The following SNX31 variants were observed in gnomAD, a reference collection of about 807,000 sequenced individuals.
SNX31 encodes sorting nexin-31.
SNX31 carries 58 observed loss-of-function variants against 65.4 expected under a neutral mutation model. That is an observed-to-expected ratio of 0.89 (90% CI 0.72 to 1.10). The LOEUF (loss-of-function observed/expected upper bound fraction) is 1.10. SNX31 is among the 50% of genes least tolerant of loss of function. The pLI is 0.00. For synonymous variants in SNX31, 181 were observed against 190.1 expected, an observed-to-expected ratio of 0.95 and a Z score of 0.39; for missense variants, 523 against 529.7, an observed-to-expected ratio of 0.99 and a Z score of 0.12.
intron 1 of SNX31, among the ~76,000 whole-genome samples, chr8:100,661,982 G>A (rs1402142061): frequency 1.3e-5 from 2 of 152,076 alleles, no homozygotes; most frequent in African/African-American, 4.8e-5. Context: ...GCACCTCCAC[G>A]TCCAGCTAAT....
intron 1 of SNX31, chr8:100,657,895 TAAC>T (rs141104557): frequency 0.24 from 87,832 of 359,196 alleles, 11,195 homozygotes; most frequent in Admixed American, 0.33. Context: ...AAACAAAAAA[TAAC>T]AACAACAACA....
intron 4 of SNX31, among the ~76,000 whole-genome samples, chr8:100,624,244 G>T (rs758100741): frequency 2.3e-4 from 35 of 152,140 alleles, no homozygotes; most frequent in Non-Finnish European, 4.3e-4. Flanking sequence ...GAGCCCAGGA[G>T]ATGGAGTCCT....
intron 1 of SNX31, among the ~76,000 whole-genome samples, chr8:100,656,366 A>G (rs1220131900): frequency 2.0e-5 from 3 of 151,868 alleles, no homozygotes; most frequent in Non-Finnish European, 4.4e-5. Context: ...ACAGCCAGAC[A>G]TGGTGACTTA....
At chr8:100,662,794 G>T (rs1054582866) in intron 1 of SNX31, among the ~76,000 whole-genome samples, 1 of 152,172 alleles carries the variant, frequency 6.6e-6, no homozygotes, top group Non-Finnish European at 1.5e-5. Flanking sequence ...TTCAGCTGTT[G>T]CTTGAATGGA....
At position 100,648,922 on chromosome 8, in the gene SNX31, C is replaced by T. The variant is rs1289097361; in HGVS notation, c.141+352G>A. 6.6e-6 allele frequency among the ~76,000 whole-genome samples: 1 copy of T among 152,252 alleles called. No homozygotes were observed. Among genetic ancestry groups the T allele is most frequent in the Middle Eastern group, 3.2e-3 (1 of 316 alleles). On this transcript the variant is annotated intron_variant, in intron 2 of 13. Coordinates refer to ENST00000311812, the MANE Select transcript of SNX31 (RefSeq NM_152628.4). The surrounding 1 kb of genome is among the most constrained non-coding windows in gnomAD (Gnocchi z 4.3). Reference sequence around the variant, plus strand: ...CCAGTTTCCAAATTTTGGAGGGAAGCATTGTCCTGGGGAACAGCGGGCACT... The same window carrying T: ...CCAGTTTCCAAATTTTGGAGGGAAGTATTGTCCTGGGGAACAGCGGGCACT...
chr8:100,630,459 T>C lies in SNX31; in HGVS notation c.257-68A>G. On this transcript the variant is annotated intron_variant, in intron 3 of 13. Coordinates refer to ENST00000311812, the MANE Select transcript of SNX31 (RefSeq NM_152628.4). This position sits in a 1 kb window ranked among gnomAD's most constrained non-coding sequence, Gnocchi z 5.3. ...TGGGCCCTGCCTATTAATTGCTATG[T>C]CCTCCAGAGATCCCTCCATGCCTTG... 7.5e-7 allele frequency: 1 copy of C among 1,339,576 alleles called. No homozygotes were observed. Among genetic ancestry groups the C allele is most frequent in the Non-Finnish European group, 1.0e-6 (1 of 956,062 alleles). 83.0% of individuals were successfully genotyped at this position (1,339,576 alleles called of 1,614,324 possible).
chr8:100,573,979 G>A lies in SNX31; in HGVS notation c.1228-19C>T. The A allele has an allele frequency of 1.5e-6, 2 of 1,350,758 alleles. No homozygotes were observed. The highest frequency in any genetic ancestry group is 2.0e-6 in the Non-Finnish European group (2 of 983,268). 83.7% of individuals were successfully genotyped at this position (1,350,758 alleles called of 1,614,324 possible). ...CTTTCTGCTGTGAAGTAAACAGAGA[G>A]GTCAGAAATGTAAATGAAAGGAAAT... On this transcript the variant is annotated intron_variant, in intron 13 of 13. Coordinates refer to ENST00000311812, the MANE Select transcript of SNX31 (RefSeq NM_152628.4).
At chr8:100,638,492 T>C (rs1350852182) in intron 2 of SNX31, among the ~76,000 whole-genome samples, 1 of 152,220 alleles carries the variant, frequency 6.6e-6, no homozygotes, top group East Asian at 1.9e-4. Context: ...GGAATGGTTA[T>C]TAACTGCCTG....
At chr8:100,621,556 C>G (rs889996521) in intron 4 of SNX31, among the ~76,000 whole-genome samples, 1 of 152,238 alleles carries the variant, frequency 6.6e-6, no homozygotes, top group Non-Finnish European at 1.5e-5. Flanking sequence ...CATCTTACCA[C>G]CAGCACCTTA....
intron 7 of SNX31, 26 bp downstream of exon 7, chr8:100,611,974 C>G: frequency 6.3e-7 from 1 of 1,586,894 alleles, no homozygotes; most frequent in Non-Finnish European, 8.7e-7. Flanking sequence ...CGTCAAACGC[C>G]TCTGTCACTT....
At chr8:100,651,962 G>T (rs985589029), upstream of SNX31, among the ~76,000 whole-genome samples, 2 of 149,960 alleles carry the variant, frequency 1.3e-5, no homozygotes, top group Non-Finnish European at 3.0e-5. Context: ...CTTGACAAGC[G>T]CACCCTTTAC....
At chr8:100,598,398 A>G (rs1396873702) in intron 9 of SNX31, among the ~76,000 whole-genome samples, 2 of 152,244 alleles carry the variant, frequency 1.3e-5, no homozygotes, top group Non-Finnish European at 2.9e-5. Context: ...GTGATATGGT[A>G]TAAATTTATA....
rs543337954 is a variant in SNX31 at position 100,575,635 on chromosome 8, C to A, written c.1227+1384G>T. 2.1e-4 allele frequency among the ~76,000 whole-genome samples: 32 copies of A among 152,192 alleles called. No individual in the cohort carries two copies. Among genetic ancestry groups the A allele is most frequent in the East Asian group, 3.8e-4 (2 of 5,200 alleles). On this transcript the variant is annotated intron_variant, in intron 13 of 13. Transcript: ENST00000311812. This position sits in a 1 kb window ranked among gnomAD's most constrained non-coding sequence, Gnocchi z 5.1. ...GGGCGTGTTAAAGAGATTGCTGCGG[C>A]CTTCCCCCAGAGCTGCTGATCCAGT...
chr8:100,596,651 C>T lies in SNX31; in HGVS notation c.966G>A (p.Gln322=). 1 of 1,614,050 alleles carries T rather than the reference C, an allele frequency of 6.2e-7. No homozygotes were observed. Among genetic ancestry groups the T allele is most frequent in the Non-Finnish European group, 8.5e-7 (1 of 1,179,924 alleles). ...VFQMSRVKCW[Q]VTFLGTLLDT... ...CCAAGATACTCACAAGGAAAGTGACCTGCCAGCACTTCACCCTGCTCATCT... is the reference window on the plus strand; with the variant it reads ...CCAAGATACTCACAAGGAAAGTGACTTGCCAGCACTTCACCCTGCTCATCT... Residue 322 remains glutamine, a synonymous_variant, in exon 10 of 14, where the codon CAG becomes CAA. Coordinates refer to ENST00000311812, the MANE Select transcript of SNX31 (RefSeq NM_152628.4).
chr8:100,581,569 A>G (rs2130798910), intron 12 of SNX31, among the ~76,000 whole-genome samples: 1 of 152,018 alleles, frequency 6.6e-6, no homozygotes, highest in African/African-American at 2.4e-5. Context: ...GCACTACTTA[A>G]TCTGCTTCTA....
rs200445960 is a variant in SNX31, at chr8:100,612,124, C to G, written c.524-37G>C. ...AGAAAGCCGGTCTTACTGGTTGAAACAGCACAGACAGCTTATATATAGCAG... is the reference window on the plus strand; with the variant it reads ...AGAAAGCCGGTCTTACTGGTTGAAAGAGCACAGACAGCTTATATATAGCAG... On this transcript the variant is annotated intron_variant, in intron 6 of 13. Transcript: ENST00000311812. This position sits in a 1 kb window ranked among gnomAD's most constrained non-coding sequence, Gnocchi z 4.3. The G allele has an allele frequency of 3.4e-5, 45 of 1,336,232 alleles. No homozygotes were observed. In the African/African-American group the frequency reaches 6.4e-4, roughly 19 times the overall value. The allele number at this position is 1,336,232 out of a possible 1,614,324, so 82.8% of individuals were successfully genotyped here. A position where few individuals can be genotyped will look rare whatever the true frequency, so the allele number is the denominator to read the frequency against.
At chr8:100,640,049 C>T (rs1418833296) in intron 2 of SNX31, among the ~76,000 whole-genome samples, 1 of 152,134 alleles carries the variant, frequency 6.6e-6, no homozygotes, top group African/African-American at 2.4e-5. Flanking sequence ...TCCATGAGTC[C>T]TTACAGACTT....
chr8:100,578,913 G>A lies in SNX31; in HGVS notation c.1171-1838C>T, dbSNP rs186264136. On this transcript the variant is annotated intron_variant, in intron 12 of 13. Transcript: ENST00000311812. This position sits in a 1 kb window ranked among gnomAD's most constrained non-coding sequence, Gnocchi z 4.7. ...ATTTTTGTATTTTTGGTAGAGATGG[G>A]GTTTCACCATGTTGGCCAGGCTGGT... Among the ~76,000 whole-genome samples, 2 of 151,714 alleles carry A rather than the reference G, an allele frequency of 1.3e-5. No homozygotes were observed. The highest frequency in any genetic ancestry group is 4.8e-5 in the African/African-American group (2 of 41,260).
At chr8:100,590,048 C>G (rs1188289089) in intron 10 of SNX31, among the ~76,000 whole-genome samples, 1 of 152,324 alleles carries the variant, frequency 6.6e-6, no homozygotes, top group South Asian at 2.1e-4. Context: ...TTTCTAAAGC[C>G]TCTGCATCCG....
Sources: gnomAD v4.1 joint callset for allele counts (sites outside exome capture counted in the v4.1 genomes callset) on GRCh38, gnomAD v4.1.1 for gene constraint, Gnocchi (gnomAD v3.1) non-coding constraint, MANE v1.5 for transcripts, NCBI Gene and HGNC (gene_info 2026-07-23, HGNC 2026-07-21) for gene names.